ARHGAP21: variants seen among roughly 807,000 people sequenced by gnomAD.
ARHGAP21 encodes Rho GTPase activating protein 21.
ARHGAP21 carries 38 observed loss-of-function variants against 164.6 expected under a neutral mutation model. The ratio of observed to expected loss-of-function variants is 0.23; its 90% CI spans 0.18 to 0.30. ARHGAP21 has a LOEUF of 0.30. Ranked by LOEUF, ARHGAP21 falls within the 10% of genes least tolerant of loss-of-function variation. The probability of loss-of-function intolerance (pLI) is 1.00; values close to 1 mark genes in which losing one functional copy is unlikely to be tolerated. For synonymous variants in ARHGAP21, 766 were observed against 857.9 expected (o/e 0.89, Z 1.87); for missense variants, 1,822 against 2,370.7 (o/e 0.77, Z 4.81).
chr10:24,625,553 C>T (rs781573373), intron 7 of ARHGAP21, among the ~76,000 whole-genome samples: 9 of 151,974 alleles, frequency 5.9e-5, no homozygotes, highest in Non-Finnish European at 1.3e-4. Flanking sequence ...TCAACCAGCA[C>T]ATACTATTCT....
At chr10:24,712,437 A>T (rs1844927207) in intron 2 of ARHGAP21, among the ~76,000 whole-genome samples, 1 of 152,196 alleles carries the variant, frequency 6.6e-6, no homozygotes, top group African/African-American at 2.4e-5. Flanking sequence ...CGCATGCTCA[A>T]GTTCCTAATA....
chr10:24,636,589 T>A (rs969661781), intron 4 of ARHGAP21, among the ~76,000 whole-genome samples: 5 of 152,208 alleles, frequency 3.3e-5, no homozygotes, highest in Non-Finnish European at 1.5e-5. Context: ...TCATAATTAT[T>A]GCCATATAAA....
At position 24,676,444 on chromosome 10, in the gene ARHGAP21, C is replaced by T. The variant is rs147401692; in HGVS notation, c.64-6047G>A. 4.6e-4 allele frequency among the ~76,000 whole-genome samples: 70 copies of T among 152,274 alleles called. 1 individual carries two copies. In the Middle Eastern group the frequency reaches 0.01, roughly 22 times the overall value. ...TCCAGTTTAGCATTGTGGTTCAGAA[C>T]ATAGGCTCGCATTCTCGCTTATAAG... On this transcript the variant is annotated intron_variant, in intron 2 of 25. Coordinates refer to ENST00000396432, the MANE Select transcript of ARHGAP21 (RefSeq NM_020824.4).
chr10:24,622,642 A>G, intron 8 of ARHGAP21, 91 bp downstream of exon 8: 6 of 1,370,008 alleles, frequency 4.4e-6, no homozygotes, highest in Non-Finnish European at 5.0e-6. Context: ...TCTCTAAGCA[A>G]AAGTGAACAG....
chr10:24,687,380 T>G (rs1164595028), intron 2 of ARHGAP21, among the ~76,000 whole-genome samples: 4 of 152,118 alleles, frequency 2.6e-5, no homozygotes, highest in Non-Finnish European at 1.5e-5. Context: ...ACGAAATGAG[T>G]AAAGTTTACA....
chr10:24,697,752 A>G (rs918633435), intron 2 of ARHGAP21, among the ~76,000 whole-genome samples: 1 of 152,006 alleles, frequency 6.6e-6, no homozygotes, highest in East Asian at 1.9e-4. Flanking sequence ...CCCAGCTACT[A>G]GGGAGGCTGA....
At chr10:24,695,609 T>C (rs1415259432) in intron 2 of ARHGAP21, among the ~76,000 whole-genome samples, 1 of 151,768 alleles carries the variant, frequency 6.6e-6, no homozygotes, top group East Asian at 1.9e-4. Context: ...TGTGATGGGA[T>C]ATCACTTCCA....
At chr10:24,664,720 A>T (rs934657587) in intron 4 of ARHGAP21, among the ~76,000 whole-genome samples, 1 of 44,462 alleles carries the variant, frequency 2.2e-5, no homozygotes, top group Non-Finnish European at 4.2e-5. Flanking sequence ...GTGGCCATAA[A>T]CCCTTGAGTG....
At position 24,591,338 on chromosome 10, in the gene ARHGAP21, T is replaced by A; in HGVS notation, c.4045-8A>T. 1 of 1,594,540 alleles carries A rather than the reference T, an allele frequency of 6.3e-7. No homozygotes were observed. Among genetic ancestry groups the A allele is most frequent in the Non-Finnish European group, 8.6e-7 (1 of 1,166,982 alleles). The stretch of plus-strand genomic sequence containing the variant: ...TTCCTCCTGCACTGTTGTCTATGGT[T>A]AATAAACAAAGATCTCTTCATCATC... On this transcript the variant is annotated splice_polypyrimidine_tract_variant and splice_region_variant and intron_variant, in intron 23 of 25. Transcript: ENST00000396432.
chr10:24,595,839 C>T (rs755173899), intron 18 of ARHGAP21, 44 bp from the exon 19 acceptor site: 1 of 1,596,332 alleles, frequency 6.3e-7, no homozygotes, highest in Admixed American at 1.7e-5. Flanking sequence ...TATCCAGTTC[C>T]ACCAAAGGGG....
chr10:24,652,278 CAAAT>C (rs1838257357), intron 4 of ARHGAP21, among the ~76,000 whole-genome samples: 1 of 152,082 alleles, frequency 6.6e-6, no homozygotes, highest in African/African-American at 2.4e-5. Flanking sequence ...AGTGTGGGGC[CAAAT>C]AAATATCTAC....
At chr10:24,723,432 C>A (rs1446147341) in intron 1 of ARHGAP21, 130 bp downstream of exon 1, 1 of 147,066 alleles carries the variant, frequency 6.8e-6, no homozygotes, top group African/African-American at 2.5e-5. Context: ...GGGCTCCCTC[C>A]GGCCCCGAGC....
chr10:24,662,816 T>C (rs1839839937), intron 4 of ARHGAP21, among the ~76,000 whole-genome samples: 1 of 152,222 alleles, frequency 6.6e-6, no homozygotes, highest in South Asian at 2.1e-4. Context: ...TTATTAGTCT[T>C]TTAACTAACT....
At chr10:24,677,503 C>T (rs1320107809) in intron 2 of ARHGAP21, among the ~76,000 whole-genome samples, 1 of 152,164 alleles carries the variant, frequency 6.6e-6, no homozygotes, top group African/African-American at 2.4e-5. Flanking sequence ...TGAATGAAGT[C>T]TCTGAAGTCA....
At chr10:24,593,283 T>C (rs1450216484) in intron 21 of ARHGAP21, among the ~76,000 whole-genome samples, 3 of 152,136 alleles carry the variant, frequency 2.0e-5, no homozygotes, top group Non-Finnish European at 4.4e-5. Flanking sequence ...GTGGGAAAGG[T>C]GTACTTAAAA....
At chr10:24,674,914 T>C (rs1034984148) in intron 2 of ARHGAP21, among the ~76,000 whole-genome samples, 2 of 152,200 alleles carry the variant, frequency 1.3e-5, no homozygotes, top group African/African-American at 4.8e-5. Context: ...ACATAATAGA[T>C]GTGCTATATA....
chr10:24,620,043 G>A lies in ARHGAP21; in HGVS notation c.1852C>T (p.Leu618Phe), dbSNP rs745806105. The A allele has an allele frequency of 4.3e-5, 70 of 1,613,870 alleles. 1 individual carries two copies. In the South Asian group the frequency reaches 7.6e-4, roughly 17 times the overall value. ...PRGISQDRSPLVKVRSNSLKA... is the reference protein window; with the variant it reads ...PRGISQDRSPFVKVRSNSLKA... ...AGAGAATTACTTCGGACTTTCACAA[G>A]AGGTGACCTGTCTTGTGAAATACCC... Residue 618 changes from leucine to phenylalanine, a missense_variant, in exon 9 of 26, where the codon CTT (leucine) becomes TTT (phenylalanine). This residue lies in a region of ARHGAP21 where 1,090 missense variants were observed against 1,378.9 expected (regional missense o/e 0.79). Transcript: ENST00000396432.
chr10:24,690,316 T>C (rs1220481453), intron 2 of ARHGAP21, among the ~76,000 whole-genome samples: 1 of 152,184 alleles, frequency 6.6e-6, no homozygotes, highest in Non-Finnish European at 1.5e-5. Flanking sequence ...ACACAATATT[T>C]TAAAGTGCCA....
In ARHGAP21 at chr10:24,711,168, AAGAAAGAG is replaced by A. The variant is rs199607514; in HGVS notation, c.63+10661_63+10668del. 1.4e-3 allele frequency among the ~76,000 whole-genome samples: 214 copies of A among 151,420 alleles called. 5 individuals carry two copies. In the East Asian group the frequency reaches 0.034, roughly 24 times the overall value. On this transcript the variant is annotated intron_variant, in intron 2 of 25. Coordinates refer to ENST00000396432, the MANE Select transcript of ARHGAP21 (RefSeq NM_020824.4). ...AGGGAGGGTGGGAGGGAAAAAGAGA[AAGAAAGAG>A]AGAAAGAGAGAAAGAAGTTAGTTGG...
Sources: gnomAD v4.1 joint callset for allele counts (sites outside exome capture counted in the v4.1 genomes callset) on GRCh38, gnomAD v4.1.1 for gene constraint, gnomAD v4.1.1 regional missense constraint, MANE v1.5 for transcripts, NCBI Gene and HGNC (gene_info 2026-07-23, HGNC 2026-07-21) for gene names.